Variants in TMTC2 observed in about 807,000 individuals in gnomAD.
TMTC2 encodes protein O-mannosyl-transferase TMTC2.
Under a neutral mutation model 82.4 loss-of-function variants are expected in TMTC2, and 43 were observed. The observed-to-expected ratio is 0.52, with a 90% CI of 0.41 to 0.67. The LOEUF (loss-of-function observed/expected upper bound fraction) is 0.67, where lower values mean the gene tolerates loss of function less well. Ranked by LOEUF, TMTC2 falls within the 30% of genes least tolerant of loss-of-function variation. The pLI, the probability that TMTC2 is intolerant of heterozygous loss-of-function variation, is 0.00. For synonymous variants in TMTC2, 408 were observed against 381.9 expected, an observed-to-expected ratio of 1.07 and a Z score of -0.80; for missense variants, 919 against 1,012.4, an observed-to-expected ratio of 0.91 and a Z score of 1.25.
At chr12:83,048,085 C>T (rs1188769402) in intron 9 of TMTC2, among the ~76,000 whole-genome samples, 1 of 152,182 alleles carries the variant, frequency 6.6e-6, no homozygotes, top group African/African-American at 2.4e-5. Context: ...TTGAATACCA[C>T]ATAATGTATT....
chr12:82,971,639 C>T (rs1878450306), intron 7 of TMTC2, among the ~76,000 whole-genome samples: 1 of 151,998 alleles, frequency 6.6e-6, no homozygotes, highest in Non-Finnish European at 1.5e-5. Context: ...TTGGCTTTCT[C>T]AATGCAGAGT....
intron 1 of TMTC2, among the ~76,000 whole-genome samples, chr12:82,755,251 A>G (rs1592495365): frequency 6.6e-6 from 1 of 152,198 alleles, no homozygotes; most frequent in African/African-American, 2.4e-5. Context: ...AGATATTGCA[A>G]AGAAACTGAT....
At chr12:82,945,773 A>T (rs1419542309) in intron 4 of TMTC2, among the ~76,000 whole-genome samples, 1 of 152,190 alleles carries the variant, frequency 6.6e-6, no homozygotes, top group Non-Finnish European at 1.5e-5. Context: ...TCCTAGACAC[A>T]CCAGGAAATA....
At chr12:82,810,812 C>T (rs1868359787) in intron 1 of TMTC2, among the ~76,000 whole-genome samples, 1 of 152,080 alleles carries the variant, frequency 6.6e-6, no homozygotes, top group South Asian at 2.1e-4. Context: ...TTATAAGGTG[C>T]TCTTCCCCCT....
intron 2 of TMTC2, among the ~76,000 whole-genome samples, chr12:82,878,412 G>C (rs1872682233): frequency 6.6e-6 from 1 of 152,180 alleles, no homozygotes; most frequent in African/African-American, 2.4e-5. Flanking sequence ...AGAAAGCAGG[G>C]ATTAATGTAA....
intron 8 of TMTC2, among the ~76,000 whole-genome samples, chr12:83,001,033 T>C (rs757516466): frequency 2.0e-5 from 3 of 152,198 alleles, no homozygotes; most frequent in Middle Eastern, 3.4e-3. Context: ...ACAGGGACCC[T>C]GGGCCGGACT....
chr12:82,931,192 A>G (rs1876011288), intron 4 of TMTC2, among the ~76,000 whole-genome samples: 1 of 152,194 alleles, frequency 6.6e-6, no homozygotes, highest in Admixed American at 6.5e-5. Flanking sequence ...TATAGGTGTG[A>G]ACCACTGTGC....
At chr12:83,028,449 A>G (rs927169708) in intron 8 of TMTC2, among the ~76,000 whole-genome samples, 2 of 152,166 alleles carry the variant, frequency 1.3e-5, no homozygotes, top group African/African-American at 4.8e-5. Flanking sequence ...ATTATGATCA[A>G]CTTACTCTGG....
intron 11 of TMTC2, among the ~76,000 whole-genome samples, chr12:83,087,974 A>C (rs1051223678): frequency 6.6e-6 from 1 of 152,226 alleles, no homozygotes; most frequent in Non-Finnish European, 1.5e-5. Flanking sequence ...TGAAAGTCCT[A>C]GATGGAGTCT....
intron 4 of TMTC2, among the ~76,000 whole-genome samples, chr12:82,943,546 C>G (rs558885349): frequency 1.5e-4 from 23 of 152,278 alleles, no homozygotes; most frequent in African/African-American, 5.5e-4. Flanking sequence ...TTTTGCACTC[C>G]TGTTCTCTGA....
At chr12:82,911,429 T>C (rs1188407661) in intron 3 of TMTC2, among the ~76,000 whole-genome samples, 2 of 146,192 alleles carry the variant, frequency 1.4e-5, no homozygotes, top group Non-Finnish European at 3.0e-5. Flanking sequence ...CACTTGACCA[T>C]GGCTTCTCAG....
chr12:82,936,948 T>C (rs997039276), intron 4 of TMTC2, among the ~76,000 whole-genome samples: 2 of 152,190 alleles, frequency 1.3e-5, no homozygotes, highest in Non-Finnish European at 2.9e-5. Flanking sequence ...TTTCAATAAG[T>C]GATAAGACTA....
At chr12:82,985,786 A>C in intron 7 of TMTC2, 139 bp from the exon 8 acceptor site, 4 of 1,077,330 alleles carry the variant, frequency 3.7e-6, no homozygotes, top group Non-Finnish European at 5.2e-6. Context: ...TTTGGGAATC[A>C]GATGAGAACA....
At chr12:83,129,284 T>G (rs1480980035) in intron 11 of TMTC2, among the ~76,000 whole-genome samples, 1 of 152,192 alleles carries the variant, frequency 6.6e-6, no homozygotes, top group Non-Finnish European at 1.5e-5. Context: ...ATGTGGGCTT[T>G]GCTGGGAGCG....
chr12:82,973,300 T>G (rs1242086858), intron 7 of TMTC2, among the ~76,000 whole-genome samples: 1 of 152,192 alleles, frequency 6.6e-6, no homozygotes, highest in African/African-American at 2.4e-5. Context: ...AACCTCTAAT[T>G]TTTAAGATAA....
At chr12:83,006,897 T>C (rs1880229897) in intron 8 of TMTC2, among the ~76,000 whole-genome samples, 2 of 152,046 alleles carry the variant, frequency 1.3e-5, no homozygotes, top group Admixed American at 1.3e-4. Context: ...TAGGTGGGAA[T>C]TGAACAATGA....
intron 7 of TMTC2, among the ~76,000 whole-genome samples, chr12:82,967,425 A>G (rs1431096732): frequency 6.6e-6 from 1 of 152,174 alleles, no homozygotes; most frequent in Non-Finnish European, 1.5e-5. Flanking sequence ...AAACAAGATT[A>G]TGCAGACAAT....
intron 8 of TMTC2, among the ~76,000 whole-genome samples, chr12:83,013,012 A>G (rs1880529199): frequency 6.6e-6 from 1 of 152,166 alleles, no homozygotes; most frequent in African/African-American, 2.4e-5. Flanking sequence ...TTTACACTGA[A>G]AAAGATTATA....
Position 82,748,963 on chromosome 12 carries a change from A to G in TMTC2, c.83+61294A>G, listed in dbSNP as rs186324239. 2.0e-3 allele frequency among the ~76,000 whole-genome samples: 301 copies of G among 152,360 alleles called. 2 individuals carry two copies. The highest frequency in any genetic ancestry group is 3.3e-3 in the Non-Finnish European group (223 of 68,038). ...ATATATATGTGGGTAAGCTTCTTAT[A>G]TATAAACCTAATACATAGTTTGTGC... is the stretch of plus-strand genomic sequence containing the variant. On this transcript the variant is annotated intron_variant, in intron 1 of 11. Coordinates refer to ENST00000321196, the MANE Select transcript of TMTC2 (RefSeq NM_152588.3).
Sources: gnomAD v4.1 joint callset for allele counts (sites outside exome capture counted in the v4.1 genomes callset) on GRCh38, gnomAD v4.1.1 for gene constraint, MANE v1.5 for transcripts, NCBI Gene and HGNC (gene_info 2026-07-23, HGNC 2026-07-21) for gene names.